EEPD1: variants seen among roughly 807,000 people sequenced by gnomAD.
The protein encoded by EEPD1 is endonuclease/exonuclease/phosphatase family domain-containing protein 1.
A neutral mutation model predicts 46.3 loss-of-function variants in EEPD1; 17 were observed. The observed-to-expected ratio is 0.37, with a 90% CI of 0.25 to 0.55. EEPD1 has a LOEUF of 0.55. EEPD1 is among the 20% of genes least tolerant of loss of function. EEPD1 has a pLI of 0.83. For missense variants in EEPD1, 673 were observed against 745.6 expected (o/e 0.90, Z 1.13); for synonymous variants, 313 against 315.6 (o/e 0.99, Z 0.09).
At chr7:36,173,768 G>T (rs1009184752) in intron 2 of EEPD1, among the ~76,000 whole-genome samples, 1 of 152,216 alleles carries the variant, frequency 6.6e-6, no homozygotes, top group Non-Finnish European at 1.5e-5. Flanking sequence ...CATGGCTTGA[G>T]AGAGTTTTTT....
chr7:36,201,422 A>G (rs1583805694), intron 2 of EEPD1, among the ~76,000 whole-genome samples: 1 of 152,212 alleles, frequency 6.6e-6, no homozygotes, highest in South Asian at 2.1e-4. Context: ...GCACCAGGGC[A>G]TGGAGAAAAG....
chr7:36,224,839 A>G (rs1786206579), intron 2 of EEPD1, among the ~76,000 whole-genome samples: 2 of 152,146 alleles, frequency 1.3e-5, no homozygotes, highest in South Asian at 4.1e-4. Context: ...ACATGGAAAA[A>G]AAAAAAGTTT....
intron 2 of EEPD1, among the ~76,000 whole-genome samples, chr7:36,165,618 T>TA (rs1784970701): frequency 6.6e-6 from 1 of 150,710 alleles, no homozygotes; most frequent in Non-Finnish European, 1.5e-5. Flanking sequence ...TTTATTTATT[T>TA]TTAGTAGAGA....
At chr7:36,266,372 C>T (rs1296317427) in intron 3 of EEPD1, among the ~76,000 whole-genome samples, 2 of 152,096 alleles carry the variant, frequency 1.3e-5, no homozygotes, top group Non-Finnish European at 2.9e-5. Flanking sequence ...CGTTTGAATC[C>T]TCGCAGTCTA....
chr7:36,197,362 A>G (rs1212054892), intron 2 of EEPD1, among the ~76,000 whole-genome samples: 3 of 128,662 alleles, frequency 2.3e-5, no homozygotes, highest in Non-Finnish European at 5.0e-5. Context: ...GGCCGCCCCT[A>G]CTGGGAAGTG....
In EEPD1 at chr7:36,157,233, G is replaced by A. The variant is rs549483693; in HGVS notation, c.878+2031G>A. 5.9e-5 allele frequency among the ~76,000 whole-genome samples: 9 copies of A among 152,270 alleles called. No homozygotes were observed. The South Asian group carries it at 1.9e-3, about 32-fold the overall frequency. On this transcript the variant is annotated intron_variant, in intron 2 of 7. Coordinates refer to ENST00000242108, the MANE Select transcript of EEPD1 (RefSeq NM_030636.3). ...GGAATCAATCTCTGCAGATACCAAG[G>A]TACAACTGTCATTTTTATTTTCCCC...
chr7:36,255,716 T>C (rs186426837), intron 3 of EEPD1, among the ~76,000 whole-genome samples: 2 of 152,360 alleles, frequency 1.3e-5, no homozygotes, highest in Admixed American at 6.5e-5. Flanking sequence ...GATTCTTCTC[T>C]CTTTTCTTCA....
At position 36,209,236 on chromosome 7, in the gene EEPD1, TCA is replaced by T; in HGVS notation, c.879-29748_879-29747del. ...TCTGTTTAACTTCAAGGCTGTTTAC[TCA>T]TTATTTTATACTCACTGTCTCTTAG... On this transcript the variant is annotated intron_variant, in intron 2 of 7. Coordinates refer to ENST00000242108, the MANE Select transcript of EEPD1 (RefSeq NM_030636.3). Among the ~76,000 whole-genome samples, 3 of 152,366 alleles carry T rather than the reference TCA, an allele frequency of 2.0e-5. No homozygotes were observed. The South Asian group carries it at 6.2e-4, about 32-fold the overall frequency.
rs781623991 is a variant in EEPD1, at chr7:36,193,116, G to A, written c.878+37914G>A. ...CCCAGCCCAGTGGGGGAGGCAAGCC[G>A]GGCACAGAGCAGTGCGTCATGATGG... On this transcript the variant is annotated intron_variant, in intron 2 of 7. Coordinates refer to ENST00000242108, the MANE Select transcript of EEPD1 (RefSeq NM_030636.3). The surrounding 1 kb of genome is among the most constrained non-coding windows in gnomAD (Gnocchi z 4.9). 5.3e-5 allele frequency among the ~76,000 whole-genome samples: 8 copies of A among 152,214 alleles called. No individual in the cohort carries two copies. Among genetic ancestry groups the A allele is most frequent in the Non-Finnish European group, 1.0e-4 (7 of 68,038 alleles).
At chr7:36,161,819 A>G (rs979438198) in intron 2 of EEPD1, among the ~76,000 whole-genome samples, 2 of 151,774 alleles carry the variant, frequency 1.3e-5, no homozygotes, top group Non-Finnish European at 2.9e-5. Context: ...CAGAAGGCCC[A>G]GAAATTCAAG....
At chr7:36,202,526 G>A (rs1164149524) in intron 2 of EEPD1, among the ~76,000 whole-genome samples, 2 of 152,166 alleles carry the variant, frequency 1.3e-5, no homozygotes. Flanking sequence ...TGGCATCCAG[G>A]CTCTGCGAGG....
chr7:36,220,237 C>T (rs77176842), intron 2 of EEPD1, among the ~76,000 whole-genome samples: 1 of 152,176 alleles, frequency 6.6e-6, no homozygotes, highest in Non-Finnish European at 1.5e-5. Context: ...GGAACAAATA[C>T]CTTCAGATGA....
chr7:36,271,713 A>G (rs1208393543), intron 3 of EEPD1, among the ~76,000 whole-genome samples: 1 of 38,128 alleles, frequency 2.6e-5, no homozygotes, highest in Admixed American at 2.4e-4. Context: ...GGTATTGCCT[A>G]GGTTTTCATG....
chr7:36,293,080 G>A (rs1169827777), intron 6 of EEPD1, among the ~76,000 whole-genome samples: 1 of 151,954 alleles, frequency 6.6e-6, no homozygotes, highest in Non-Finnish European at 1.5e-5. Context: ...TATATCATTA[G>A]TAACCTGTGG....
intron 3 of EEPD1, among the ~76,000 whole-genome samples, chr7:36,277,154 G>A (rs1326082340): frequency 1.3e-5 from 2 of 152,216 alleles, no homozygotes; most frequent in African/African-American, 2.4e-5. Context: ...AGTAGAGGGG[G>A]CCAGCCCCAA....
chr7:36,196,281 C>A (rs1785581361), intron 2 of EEPD1, among the ~76,000 whole-genome samples: 1 of 151,882 alleles, frequency 6.6e-6, no homozygotes, highest in African/African-American at 2.4e-5. Context: ...AAACACTGTG[C>A]ACATAGGCTA....
rs551501840 is a variant in EEPD1 at position 36,259,946 on chromosome 7, A to G, written c.930+20910A>G. On this transcript the variant is annotated intron_variant, in intron 3 of 7. Coordinates refer to ENST00000242108, the MANE Select transcript of EEPD1 (RefSeq NM_030636.3). ...TCATTTGTTCCTGTGAATTTCATTTACTATTTGGTATACTTCCTCACTCCA... is the reference window on the plus strand; with the variant it reads ...TCATTTGTTCCTGTGAATTTCATTTGCTATTTGGTATACTTCCTCACTCCA... Among the ~76,000 whole-genome samples the G allele has an allele frequency of 5.3e-5, 8 of 152,252 alleles. No individual in the cohort carries two copies. In the South Asian group the frequency reaches 8.3e-4, roughly 16 times the overall value.
intron 2 of EEPD1, among the ~76,000 whole-genome samples, chr7:36,184,738 A>G (rs1024706111): frequency 6.6e-6 from 1 of 152,104 alleles, no homozygotes; most frequent in Admixed American, 6.5e-5. Context: ...TTAATTAAAA[A>G]AAATTTTTTT....
chr7:36,272,579 T>C (rs1787126980), intron 3 of EEPD1, among the ~76,000 whole-genome samples: 1 of 151,808 alleles, frequency 6.6e-6, no homozygotes, highest in South Asian at 2.1e-4. Flanking sequence ...GTTGGTATCT[T>C]TGGGGCACAT....
Sources: allele counts gnomAD v4.1 joint callset (sites outside exome capture counted in the v4.1 genomes callset), GRCh38; gene constraint gnomAD v4.1.1; non-coding constraint Gnocchi (gnomAD v3.1); transcripts MANE v1.5; gene names NCBI Gene and HGNC (gene_info 2026-07-23, HGNC 2026-07-21).